The following CDH18 variants were observed in gnomAD, a reference collection of about 807,000 sequenced individuals.
The protein encoded by CDH18 is cadherin-18.
CDH18 carries 31 observed loss-of-function variants against 67.9 expected under a neutral mutation model. The observed-to-expected ratio is 0.46, with a 90% CI of 0.34 to 0.62. CDH18 has a LOEUF of 0.62. CDH18 is among the 20% of genes least tolerant of loss of function. CDH18 has a pLI of 0.01. For missense variants in CDH18, 890 were observed against 975.5 expected, an observed-to-expected ratio of 0.91 and a Z score of 1.17; for synonymous variants, 362 against 347.2, an observed-to-expected ratio of 1.04 and a Z score of -0.48.
chr5:20,561,591 G>T (rs1293404688), intron 1 of CDH18, among the ~76,000 whole-genome samples: 1 of 152,042 alleles, frequency 6.6e-6, no homozygotes, highest in Non-Finnish European at 1.5e-5. Flanking sequence ...AGGGGTAAGG[G>T]TGGAAGGAGA....
At chr5:20,095,664 TC>T (rs1745931975) in intron 2 of CDH18, among the ~76,000 whole-genome samples, 2 of 151,482 alleles carry the variant, frequency 1.3e-5, no homozygotes, top group South Asian at 4.1e-4. Flanking sequence ...ATTTTTTTTT[TC>T]AAAGTTGCTG....
chr5:20,545,165 TG>T lies in CDH18; in HGVS notation c.-580+30296del, dbSNP rs542426500. Among the ~76,000 whole-genome samples, 12 of 152,326 alleles carry T rather than the reference TG, an allele frequency of 7.9e-5. No homozygotes were observed. In the South Asian group the frequency reaches 2.5e-3, roughly 32 times the overall value. Reference sequence around the variant, plus strand: ...GCAAGGGGTGGGCTCCCAAGGCCTTTGGCAACTGTGCCTCTGTGGCTAGTCA... The same window carrying T: ...GCAAGGGGTGGGCTCCCAAGGCCTTTGCAACTGTGCCTCTGTGGCTAGTCA... On this transcript the variant is annotated intron_variant, in intron 1 of 14. Transcript: ENST00000507958.
chr5:20,385,807 T>C (rs1247290363), intron 1 of CDH18, among the ~76,000 whole-genome samples: 6 of 152,226 alleles, frequency 3.9e-5, no homozygotes, highest in African/African-American at 1.4e-4. Context: ...AATATAACTT[T>C]GTAGCAGAAA....
At chr5:20,570,416 C>T (rs1026543456) in intron 1 of CDH18, among the ~76,000 whole-genome samples, 7 of 151,924 alleles carry the variant, frequency 4.6e-5, no homozygotes, top group African/African-American at 1.7e-4. Context: ...TGTCGTAAAA[C>T]AATGTTCGCT....
At chr5:20,015,822 G>A (rs573228336) in intron 2 of CDH18, among the ~76,000 whole-genome samples, 1 of 152,134 alleles carries the variant, frequency 6.6e-6, no homozygotes, top group Non-Finnish European at 1.5e-5. Flanking sequence ...TTGCTCTATT[G>A]GTTTGGAAAA....
intron 5 of CDH18, among the ~76,000 whole-genome samples, chr5:19,644,581 A>G (rs924854568): frequency 1.3e-5 from 2 of 152,144 alleles, no homozygotes; most frequent in African/African-American, 4.8e-5. Context: ...AATGTGGGTC[A>G]TAGCTAGAAA....
At chr5:19,659,918 C>T (rs1488373878) in intron 5 of CDH18, among the ~76,000 whole-genome samples, 5 of 152,028 alleles carry the variant, frequency 3.3e-5, no homozygotes, top group Non-Finnish European at 4.4e-5. Context: ...AAATATGATA[C>T]TAGTTCTTTA....
chr5:20,000,072 T>C (rs1174500151), intron 2 of CDH18, among the ~76,000 whole-genome samples: 1 of 151,580 alleles, frequency 6.6e-6, no homozygotes, highest in African/African-American at 2.4e-5. Flanking sequence ...CCAAACTATA[T>C]GGTGAGGGGG....
At chr5:19,895,415 T>C (rs571797791) in intron 2 of CDH18, among the ~76,000 whole-genome samples, 1 of 152,180 alleles carries the variant, frequency 6.6e-6, no homozygotes, top group Non-Finnish European at 1.5e-5. Context: ...GCTGTAAGAC[T>C]GTGAGTCTTA....
intron 2 of CDH18, among the ~76,000 whole-genome samples, chr5:19,875,563 T>C (rs890522114): frequency 6.6e-6 from 1 of 152,030 alleles, no homozygotes; most frequent in Non-Finnish European, 1.5e-5. Flanking sequence ...TACCTTCAAA[T>C]CATAAGAAAT....
rs560778158 is a variant in CDH18, at chr5:19,572,164, A to C, written c.1000-332T>G. On this transcript the variant is annotated intron_variant, in intron 7 of 12. Transcript: ENST00000382275. ...GGAAGTGCTTTTTCAGATAAGAACT[A>C]AACATTTGGAAAGTGTTTAGCATGA... Among the ~76,000 whole-genome samples, 10 of 152,324 alleles carry C rather than the reference A, an allele frequency of 6.6e-5. No homozygotes were observed. The South Asian group carries it at 2.1e-3, about 32-fold the overall frequency.
At chr5:19,920,646 TG>T (rs1792334500) in intron 2 of CDH18, among the ~76,000 whole-genome samples, 1 of 151,554 alleles carries the variant, frequency 6.6e-6, no homozygotes, top group Non-Finnish European at 1.5e-5. Context: ...CCTGAGTAGC[TG>T]GGATTACAGA....
At chr5:20,050,745 A>G (rs1741347624) in intron 2 of CDH18, among the ~76,000 whole-genome samples, 2 of 151,874 alleles carry the variant, frequency 1.3e-5, no homozygotes, top group Admixed American at 1.3e-4. Context: ...CAAGTAGAAT[A>G]ATTACAGTCC....
chr5:20,493,036 A>C (rs1458799762), intron 1 of CDH18, among the ~76,000 whole-genome samples: 2 of 152,156 alleles, frequency 1.3e-5, no homozygotes, highest in African/African-American at 2.4e-5. Flanking sequence ...GAAATACTTC[A>C]ATGTCAAAAA....
chr5:19,937,069 G>A (rs1371290643), intron 2 of CDH18, among the ~76,000 whole-genome samples: 1 of 151,232 alleles, frequency 6.6e-6, no homozygotes, highest in African/African-American at 2.4e-5. Flanking sequence ...GAAAACCAAT[G>A]TTATAAATCA....
intron 3 of CDH18, among the ~76,000 whole-genome samples, chr5:19,819,637 T>G (rs1018590581): frequency 4.6e-5 from 7 of 152,044 alleles, no homozygotes; most frequent in Admixed American, 2.0e-4. Context: ...CCCACAGATA[T>G]TTGAATTGGC....
intron 1 of CDH18, among the ~76,000 whole-genome samples, chr5:20,490,010 G>A (rs1753489210): frequency 6.6e-6 from 1 of 150,380 alleles, no homozygotes; most frequent in African/African-American, 2.4e-5. Flanking sequence ...TATCTGATAG[G>A]GTTTTAAATA....
At chr5:20,426,715 CA>C (rs1001811955) in intron 1 of CDH18, among the ~76,000 whole-genome samples, 4 of 151,024 alleles carry the variant, frequency 2.6e-5, no homozygotes, top group Non-Finnish European at 5.9e-5. Context: ...GGATCTCTGT[CA>C]CTTCTAAAAA....
In CDH18 at chr5:19,680,428, G is replaced by A. The variant is rs976719058; in HGVS notation, c.643+40919C>T. 3.3e-5 allele frequency among the ~76,000 whole-genome samples: 5 copies of A among 151,884 alleles called. No homozygotes were observed. In the South Asian group the frequency reaches 8.3e-4, roughly 25 times the overall value. On this transcript the variant is annotated intron_variant, in intron 5 of 12. Transcript: ENST00000382275. ...CAACAAAAACAAAAATTGGCAAGTGGGACTAATTAAACTAAAGAACATCTG... is the reference window on the plus strand; with the variant it reads ...CAACAAAAACAAAAATTGGCAAGTGAGACTAATTAAACTAAAGAACATCTG...
Sources: gnomAD v4.1 joint callset for allele counts (sites outside exome capture counted in the v4.1 genomes callset) on GRCh38, gnomAD v4.1.1 for gene constraint, MANE v1.5 for transcripts, NCBI Gene and HGNC (gene_info 2026-07-23, HGNC 2026-07-21) for gene names.